CCSER1: variants seen among roughly 807,000 people sequenced by gnomAD.
The protein encoded by CCSER1 is coiled-coil serine rich protein 1.
In CCSER1, 41 loss-of-function variants were observed where a neutral mutation model predicts 82.0. The observed-to-expected ratio is 0.50, with a 90% CI of 0.39 to 0.65. CCSER1 has a LOEUF of 0.65. Ranked by LOEUF, CCSER1 falls within the 30% of genes least tolerant of loss-of-function variation. The pLI is 0.00. For missense variants in CCSER1, 1,119 were observed against 1,064.2 expected, an observed-to-expected ratio of 1.05 and a Z score of -0.72; for synonymous variants, 414 against 383.9, an observed-to-expected ratio of 1.08 and a Z score of -0.92.
intron 9 of CCSER1, among the ~76,000 whole-genome samples, chr4:90,929,534 G>A (rs1729470587): frequency 6.6e-6 from 1 of 152,082 alleles, no homozygotes; most frequent in Non-Finnish European, 1.5e-5. Flanking sequence ...CTTTGCTTAG[G>A]AGCCAGATCC....
chr4:91,269,809 C>G (rs1049931457), intron 10 of CCSER1, among the ~76,000 whole-genome samples: 1 of 152,056 alleles, frequency 6.6e-6, no homozygotes, highest in African/African-American at 2.4e-5. Flanking sequence ...TAAAACTCTA[C>G]TTAAAAAAAA....
In CCSER1 at chr4:91,010,963, G is replaced by A. The variant is rs1373116514; in HGVS notation, c.2173-74987G>A. Among the ~76,000 whole-genome samples the A allele has an allele frequency of 7.4e-5, 10 of 134,304 alleles. 1 individual carries two copies. The highest frequency in any genetic ancestry group is 2.5e-4 in the African/African-American group (10 of 40,396). The allele number at this position is 134,304 out of a possible 152,430, so 88.1% of individuals were successfully genotyped here. ...GTTGGACAGTTACTGTGTTCCTTTG[G>A]GGTGTCATATTTTCTTTGTTTCTCA... On this transcript the variant is annotated intron_variant, in intron 9 of 10. Transcript: ENST00000509176.
intron 10 of CCSER1, among the ~76,000 whole-genome samples, chr4:91,409,482 CAA>C (rs2149369630): frequency 6.6e-6 from 1 of 152,124 alleles, no homozygotes; most frequent in Non-Finnish European, 1.5e-5. Context: ...TTTAAGCCAA[CAA>C]AGTTTCCTTC....
At chr4:90,791,553 A>G (rs1250334033) in intron 7 of CCSER1, among the ~76,000 whole-genome samples, 2 of 151,730 alleles carry the variant, frequency 1.3e-5, no homozygotes, top group Non-Finnish European at 2.9e-5. Flanking sequence ...ATTTTTAAAT[A>G]AAGATACACA....
At chr4:91,045,452 G>A (rs930675315) in intron 9 of CCSER1, among the ~76,000 whole-genome samples, 4 of 150,872 alleles carry the variant, frequency 2.7e-5, no homozygotes, top group South Asian at 4.2e-4. Context: ...GATATTGCCT[G>A]CATACACAAT....
intron 8 of CCSER1, among the ~76,000 whole-genome samples, chr4:90,867,325 T>C (rs1765867045): frequency 6.6e-6 from 1 of 152,112 alleles, no homozygotes; most frequent in Admixed American, 6.6e-5. Flanking sequence ...AAATTAAAGG[T>C]AATTCATCTT....
At chr4:91,525,806 C>T (rs1034807966) in intron 10 of CCSER1, among the ~76,000 whole-genome samples, 24 of 152,114 alleles carry the variant, frequency 1.6e-4, no homozygotes, top group African/African-American at 5.5e-4. Flanking sequence ...TACTGTAAAC[C>T]AACACTAAAT....
intron 6 of CCSER1, among the ~76,000 whole-genome samples, chr4:90,722,260 A>G (rs905479140): frequency 6.6e-6 from 1 of 151,876 alleles, no homozygotes; most frequent in Admixed American, 6.6e-5. Flanking sequence ...CAGGCTGTCC[A>G]TACTACAGGT....
intron 6 of CCSER1, among the ~76,000 whole-genome samples, chr4:90,635,235 AAT>A (rs1725210909): frequency 6.6e-6 from 1 of 151,704 alleles, no homozygotes; most frequent in Non-Finnish European, 1.5e-5. Context: ...ACATTTATAG[AAT>A]ACTACAATTA....
chr4:90,296,616 A>G (rs1486063685), intron 1 of CCSER1, among the ~76,000 whole-genome samples: 1 of 152,060 alleles, frequency 6.6e-6, no homozygotes, highest in African/African-American at 2.4e-5. Context: ...TAGGGTTTTT[A>G]TGGTTTTAGG....
intron 10 of CCSER1, among the ~76,000 whole-genome samples, chr4:91,208,340 C>A (rs1454622242): frequency 6.6e-6 from 1 of 151,860 alleles, no homozygotes; most frequent in East Asian, 1.9e-4. Context: ...AGATTATCTT[C>A]CAGGGTTTTT....
At chr4:91,082,652 A>G (rs1248456994) in intron 9 of CCSER1, among the ~76,000 whole-genome samples, 2 of 152,164 alleles carry the variant, frequency 1.3e-5, no homozygotes, top group African/African-American at 2.4e-5. Flanking sequence ...AATTTTTACA[A>G]TCTACCCATC....
chr4:91,546,736 G>T (rs1761910032), intron 10 of CCSER1, among the ~76,000 whole-genome samples: 1 of 151,494 alleles, frequency 6.6e-6, no homozygotes, highest in Non-Finnish European at 1.5e-5. Flanking sequence ...TCATTGATTT[G>T]GGCTCTAATT....
intron 6 of CCSER1, among the ~76,000 whole-genome samples, chr4:90,709,056 A>G (rs1739976916): frequency 6.6e-6 from 1 of 152,174 alleles, no homozygotes; most frequent in African/African-American, 2.4e-5. Flanking sequence ...TCACAACATT[A>G]TACAGAAAAA....
At chr4:90,997,380 A>T (rs1040184463) in intron 9 of CCSER1, among the ~76,000 whole-genome samples, 3 of 152,076 alleles carry the variant, frequency 2.0e-5, no homozygotes, top group African/African-American at 7.2e-5. Context: ...CCGTTCTGTT[A>T]TAAGTATTCT....
chr4:91,392,363 G>GCACACACGCACA (rs58770768), intron 10 of CCSER1, among the ~76,000 whole-genome samples: 12,448 of 147,990 alleles, frequency 0.084, 627 homozygotes, highest in Non-Finnish European at 0.11. Flanking sequence ...ACCTACACAT[G>GCACACACGCACA]CACACACACA....
chr4:90,548,392 G>C (rs998792743), intron 5 of CCSER1, among the ~76,000 whole-genome samples: 3 of 152,032 alleles, frequency 2.0e-5, no homozygotes, highest in Non-Finnish European at 4.4e-5. Flanking sequence ...TTGCACATGA[G>C]CATACACACA....
At chr4:91,164,638 C>A (rs562313531) in intron 10 of CCSER1, among the ~76,000 whole-genome samples, 2 of 152,070 alleles carry the variant, frequency 1.3e-5, no homozygotes, top group Non-Finnish European at 2.9e-5. Context: ...TCTTTCTATT[C>A]TTTTTTCTCT....
intron 10 of CCSER1, among the ~76,000 whole-genome samples, chr4:91,287,959 T>C (rs1312226842): frequency 7.8e-6 from 1 of 127,546 alleles, no homozygotes; most frequent in Non-Finnish European, 1.7e-5. Context: ...TACTAAAGAG[T>C]AAAAGTTATG....
Sources: gnomAD v4.1 joint callset for allele counts (sites outside exome capture counted in the v4.1 genomes callset) on GRCh38, gnomAD v4.1.1 for gene constraint, MANE v1.5 for transcripts, NCBI Gene and HGNC (gene_info 2026-07-23, HGNC 2026-07-21) for gene names.